The following NHERF1 variants were observed in gnomAD, a reference collection of about 807,000 sequenced individuals.
NHERF1 encodes the protein Na(+)/H(+) exchange regulatory cofactor NHE-RF1.
the NHERF1 span, among the ~76,000 whole-genome samples, chr17:74,754,278 G>A: frequency 9.9e-5 from 15 of 151,834 alleles, no homozygotes; most frequent in Admixed American, 2.6e-4. Flanking sequence ...CTCTGTTTTC[G>A]TTGCTCTAAG....
the NHERF1 span, among the ~76,000 whole-genome samples, chr17:74,756,070 C>T: frequency 6.7e-6 from 1 of 150,256 alleles, no homozygotes; most frequent in African/African-American, 2.4e-5. Flanking sequence ...TCTCCTGCCT[C>T]AGCCTCCCAA....
the NHERF1 span, among the ~76,000 whole-genome samples, chr17:74,751,264 C>T: frequency 6.6e-6 from 1 of 152,194 alleles, no homozygotes; most frequent in Non-Finnish European, 1.5e-5. The surrounding 1 kb of genome is among the most constrained non-coding windows in gnomAD (Gnocchi z 4.3). Context: ...CCTCTCAATC[C>T]TGTGTGTTGA....
At chr17:74,748,996 G>A in the NHERF1 span, 70 of 1,609,202 alleles carry the variant, frequency 4.3e-5, no homozygotes, top group Non-Finnish European at 5.6e-5. The surrounding 1 kb of genome is among the most constrained non-coding windows in gnomAD (Gnocchi z 4.3). Context: ...CGGCCGAGAA[G>A]GCGGGGCTGC....
chr17:74,757,457 G>T, the NHERF1 span, among the ~76,000 whole-genome samples: 1 of 152,092 alleles, frequency 6.6e-6, no homozygotes. Flanking sequence ...GGGCCACTAC[G>T]CAGGGGGCCA....
chr17:74,750,642 G>A, the NHERF1 span, among the ~76,000 whole-genome samples: 1 of 152,184 alleles, frequency 6.6e-6, no homozygotes, highest in Non-Finnish European at 1.5e-5. Context: ...TGATGCCAGG[G>A]AGTTGGGGCC....
the NHERF1 span, among the ~76,000 whole-genome samples, chr17:74,756,507 G>T: frequency 6.6e-6 from 1 of 151,726 alleles, no homozygotes. Context: ...TTGAACTCCC[G>T]ACCTCAGGTG....
the NHERF1 span, among the ~76,000 whole-genome samples, chr17:74,764,184 C>T: frequency 6.6e-6 from 1 of 152,230 alleles, no homozygotes; most frequent in African/African-American, 2.4e-5. This position sits in a 1 kb window ranked among gnomAD's most constrained non-coding sequence, Gnocchi z 4.9. Context: ...GAAGATGGCT[C>T]CCTGGAGCGG....
the NHERF1 span, among the ~76,000 whole-genome samples, chr17:74,760,037 T>C: frequency 6.6e-6 from 1 of 152,162 alleles, no homozygotes; most frequent in Non-Finnish European, 1.5e-5. The surrounding 1 kb of genome is among the most constrained non-coding windows in gnomAD (Gnocchi z 4.5). Flanking sequence ...CCCCACTTTC[T>C]CAGGGTGTCT....
At chr17:74,766,446 A>G in the NHERF1 span, among the ~76,000 whole-genome samples, 1 of 151,906 alleles carries the variant, frequency 6.6e-6, no homozygotes, top group Non-Finnish European at 1.5e-5. Context: ...CAAGTGATCC[A>G]GGTGCCTCGG....
At chr17:74,750,776 C>A in the NHERF1 span, among the ~76,000 whole-genome samples, 2 of 146,562 alleles carry the variant, frequency 1.4e-5, no homozygotes, top group Non-Finnish European at 3.0e-5. Context: ...CACCCACCCC[C>A]ACCCCCCACA....
the NHERF1 span, among the ~76,000 whole-genome samples, chr17:74,767,789 C>A: frequency 1.3e-5 from 2 of 152,176 alleles, no homozygotes; most frequent in Non-Finnish European, 2.9e-5. Context: ...CCCATGCCCC[C>A]ATGTGTCCCC....
chr17:74,754,220 CTCTTTACAGGGAGAA>C, the NHERF1 span, among the ~76,000 whole-genome samples: 1 of 151,792 alleles, frequency 6.6e-6, no homozygotes, highest in African/African-American at 2.4e-5. Flanking sequence ...TGCTGCAGGA[CTCTTTACAGGGAGAA>C]ACCAGAGCTC....
chr17:74,759,343 G>A, the NHERF1 span, among the ~76,000 whole-genome samples: 8 of 152,368 alleles, frequency 5.3e-5, no homozygotes, highest in South Asian at 2.1e-4. Context: ...CTGGCAGAGC[G>A]GAGCAAGGCT....
the NHERF1 span, chr17:74,768,564 A>G: frequency 1.9e-6 from 3 of 1,613,876 alleles, no homozygotes; most frequent in South Asian, 1.1e-5. Flanking sequence ...CTCCCTGGCC[A>G]TGGCCAAAGA....
chr17:74,763,939 C>T, the NHERF1 span, among the ~76,000 whole-genome samples: 6 of 152,174 alleles, frequency 3.9e-5, no homozygotes, highest in African/African-American at 1.2e-4. Context: ...TGACGGGGGC[C>T]GGTGCCTCCC....
At chr17:74,757,142 T>C in the NHERF1 span, among the ~76,000 whole-genome samples, 1 of 152,138 alleles carries the variant, frequency 6.6e-6, no homozygotes, top group Admixed American at 6.5e-5. Flanking sequence ...TGGGTCTCCA[T>C]GGCTGGCACA....
At chr17:74,760,205 A>T in the NHERF1 span, among the ~76,000 whole-genome samples, 1 of 152,104 alleles carries the variant, frequency 6.6e-6, no homozygotes, top group African/African-American at 2.4e-5. The surrounding 1 kb of genome is among the most constrained non-coding windows in gnomAD (Gnocchi z 4.5). Context: ...AAGATCCCAC[A>T]GGGCTGTGGG....
the NHERF1 span, chr17:74,768,603 CG>C: frequency 6.2e-7 from 1 of 1,614,144 alleles, no homozygotes; most frequent in South Asian, 1.1e-5. Flanking sequence ...CAGCAGCAAA[CG>C]GGCCCCGCAG....
At chr17:74,754,883 C>T in the NHERF1 span, among the ~76,000 whole-genome samples, 1 of 152,246 alleles carries the variant, frequency 6.6e-6, no homozygotes, top group Non-Finnish European at 1.5e-5. Context: ...GTGTCTAGCA[C>T]TGTGCTAAGT....
Sources: gnomAD v4.1 joint callset for allele counts (sites outside exome capture counted in the v4.1 genomes callset) on GRCh38, gnomAD v4.1.1 for gene constraint, Gnocchi (gnomAD v3.1) non-coding constraint, MANE v1.5 for transcripts, NCBI Gene and HGNC (gene_info 2026-07-23, HGNC 2026-07-21) for gene names.